CYP11B2: variants seen among roughly 807,000 people sequenced by gnomAD.
The protein encoded by CYP11B2 is cytochrome P450 family 11 subfamily B member 2.
A neutral mutation model predicts 49.3 loss-of-function variants in CYP11B2; 38 were observed. The ratio of observed to expected loss-of-function variants is 0.77; its 90% confidence interval spans 0.59 to 1.01. The LOEUF (loss-of-function observed/expected upper bound fraction) is 1.01, where lower values mean the gene tolerates loss of function less well. Among genes scored for constraint, CYP11B2 ranks in the 50% least tolerant of loss-of-function variants. The pLI is 0.00. For missense variants in CYP11B2, 669 were observed against 655.5 expected (o/e 1.02, Z -0.23); for synonymous variants, 290 against 269.3 (o/e 1.08, Z -0.75).
chr8:142,913,703 C>A (rs1817583392), intron 5 of CYP11B2, among the ~76,000 whole-genome samples: 1 of 152,170 alleles, frequency 6.6e-6, no homozygotes, highest in Middle Eastern at 3.4e-3. Context: ...GTTCTCACAG[C>A]CACCATTAGG....
At chr8:142,912,202 G>A in intron 8 of CYP11B2, 109 bp from the exon 9 acceptor site, 1 of 1,547,922 alleles carries the variant, frequency 6.5e-7, no homozygotes. Context: ...GGGAGCAGCA[G>A]CCTGGGCCCC....
rs370785966 is a variant in CYP11B2 at position 142,917,173 on chromosome 8, G to A, written c.281C>T (p.Pro94Leu). 39 of 1,614,018 alleles carry A rather than the reference G, an allele frequency of 2.4e-5. No individual in the cohort carries two copies. Among genetic ancestry groups the A allele is most frequent in the East Asian group, 4.5e-5 (2 of 44,882 alleles). The change falls in exon 2 of 9, where the codon CCG (proline) becomes CTG (leucine). Residue 94 changes from proline (P) to leucine (L), a missense_variant. Coordinates refer to ENST00000323110, the MANE Select transcript of CYP11B2 (RefSeq NM_000498.3). ...GGPRMVCVMLPEDVEKLQQVD... is the reference protein window; with the variant it reads ...GGPRMVCVMLLEDVEKLQQVD... ...CTGTTGCAGCTTCTCCACATCCTCC[G>A]GCAGCATCACACACACCATGCGTGG... is the stretch of plus-strand genomic sequence containing the variant.
Position 142,915,291 on chromosome 8 carries a change from C to T in CYP11B2, c.396-46G>A, listed in dbSNP as rs61757310. The T allele has an allele frequency of 1.8e-4, 276 of 1,507,262 alleles. 1 individual carries two copies. The Admixed American group carries it at 5.1e-3, about 28-fold the overall frequency. The allele number at this position is 1,507,262 out of a possible 1,614,324, so 93.4% of individuals were successfully genotyped here. On this transcript the variant is annotated intron_variant, in intron 2 of 8. Transcript: ENST00000323110. ...CTTGTGAGGCCGCCCCAGCAAGACA[C>T]AGGCCCTGACCCGTATCCCATCCTC...
Position 142,912,512 on chromosome 8 carries a change from G to A in CYP11B2, c.1398+18C>T. On this transcript the variant is annotated intron_variant, in intron 8 of 8. Transcript: ENST00000323110. ...CCTCTGCTGCCCAGGTCCCGCCCCC[G>A]CCCCCAGGCCTGCTTACGTGGTGCA... 4.6e-6 allele frequency: 4 copies of A among 870,584 alleles called. No individual in the cohort carries two copies. Among genetic ancestry groups the A allele is most frequent in the South Asian group, 4.4e-5 (3 of 68,940 alleles). 53.9% of individuals were successfully genotyped at this position (870,584 alleles called of 1,614,324 possible). A position where few individuals can be genotyped will look rare whatever the true frequency, so the allele number is the denominator to read the frequency against.
At chr8:142,913,060 C>G (rs1817570079) in intron 6 of CYP11B2, among the ~76,000 whole-genome samples, 175 bp from the exon 7 acceptor site, 1 of 149,960 alleles carries the variant, frequency 6.7e-6, no homozygotes, top group Non-Finnish European at 1.5e-5. Context: ...ACTTGAGAAG[C>G]CCCAAGCGCA....
chr8:142,914,578 C>A, intron 4 of CYP11B2, 127 bp downstream of exon 4: 3 of 1,228,562 alleles, frequency 2.4e-6, no homozygotes, highest in South Asian at 2.6e-5. Context: ...CCAATCTCCC[C>A]GGCAGGAAGG....
chr8:142,915,011 G>T (rs1450231226), intron 3 of CYP11B2, 35 bp downstream of exon 3: 2 of 1,612,948 alleles, frequency 1.2e-6, no homozygotes, highest in Middle Eastern at 1.7e-4. Flanking sequence ...CCACTCCAGG[G>T]TCTCTGGGGC....
chr8:142,915,508 G>A (rs1306042785), intron 2 of CYP11B2, among the ~76,000 whole-genome samples: 1 of 145,356 alleles, frequency 6.9e-6, no homozygotes, highest in Non-Finnish European at 1.6e-5. Context: ...GGTCATTCCC[G>A]GGACCTGGCG....
intron 4 of CYP11B2, 143 bp from the exon 5 acceptor site, chr8:142,914,561 C>T: frequency 4.5e-6 from 6 of 1,345,040 alleles, no homozygotes; most frequent in Admixed American, 4.0e-5. Context: ...CCAGCCCCAG[C>T]CTCGCACCAA....
Position 142,912,706 on chromosome 8 carries a change from A to G in CYP11B2, c.1222T>C (p.Tyr408His). ...AAGGCGGCATTGCGACCCAGCGAGT[A>G]GAGGAAAACCTGTACCAATGTCTGC... ...PAGTLVQVFL[Y>H]SLGRNAALFP... is the part of the protein sequence containing the mutation. The change falls in exon 8 of 9, where the codon TAC becomes CAC. Residue 408 changes from tyrosine (Y) to histidine (H), a missense_variant. Transcript: ENST00000323110. 1 of 1,614,078 alleles carries G rather than the reference A, an allele frequency of 6.2e-7. No individual in the cohort carries two copies. The highest frequency in any genetic ancestry group is 1.1e-5 in the South Asian group (1 of 91,086).
At chr8:142,913,219 C>T in intron 6 of CYP11B2, 66 bp downstream of exon 6, 4 of 1,565,452 alleles carry the variant, frequency 2.6e-6, no homozygotes, top group Middle Eastern at 2.1e-4. Context: ...CTGTCTGCCA[C>T]CACCCAGTGG....
chr8:142,913,141 T>G (rs1817571688), intron 6 of CYP11B2, 144 bp downstream of exon 6: 15 of 988,178 alleles, frequency 1.5e-5, no homozygotes, highest in Non-Finnish European at 2.1e-5. Flanking sequence ...CTCCCTGTCC[T>G]TGAGGGGGAG....
intron 3 of CYP11B2, 42 bp downstream of exon 3, chr8:142,915,004 C>T (rs1817615667): frequency 1.2e-6 from 2 of 1,612,720 alleles, no homozygotes; most frequent in African/African-American, 1.3e-5. Flanking sequence ...TCCCTGGCCA[C>T]TCCAGGGTCT....
At position 142,917,733 on chromosome 8, in the gene CYP11B2, CAGCA is replaced by C. The variant is rs1817674451; in HGVS notation, c.104_107del (p.Val35GlyfsTer15). On this transcript the variant is annotated frameshift_variant, in exon 1 of 9. Transcript: ENST00000323110. LOFTEE classifies it high-confidence loss of function. ...GATGCTGGGGCATGGCTTCAAACGG[CAGCA>C]CCGTCCTAGGGGCCCGAGCGGCTCT... The C allele has an allele frequency of 1.4e-5, 23 of 1,614,112 alleles. 1 individual carries two copies.
Position 142,915,673 on chromosome 8 carries a change from C to CCTGGG in CYP11B2, c.396-429_396-428insCCCAG, listed in dbSNP as rs1817632032. On this transcript the variant is annotated intron_variant, in intron 2 of 8. Transcript: ENST00000323110. ...AGAGCCCCTGGCTGCCCTCTCCTCC[C>CCTGGG]CACCCTTCCCCGCCCTGGGCACAGT... Among the ~76,000 whole-genome samples, 2 of 130,832 alleles carry CCTGGG rather than the reference C, an allele frequency of 1.5e-5. 1 individual carries two copies. The highest frequency in any genetic ancestry group is 1.5e-4 in the Admixed American group (2 of 13,064). The allele number at this position is 130,832 out of a possible 152,430, so 85.8% of individuals were successfully genotyped here.
At chr8:142,915,359 G>T in intron 2 of CYP11B2, 114 bp from the exon 3 acceptor site, 1 of 991,570 alleles carries the variant, frequency 1.0e-6, no homozygotes, top group South Asian at 1.4e-5. Context: ...CTGACTGGGG[G>T]CCCTGGTAGA....
In CYP11B2 at chr8:142,911,046, T is replaced by C. The variant is rs1342089647; in HGVS notation, c.*934A>G. The C allele has an allele frequency of 6.6e-6, 1 of 152,198 alleles. No individual in the cohort carries two copies. Among genetic ancestry groups the C allele is most frequent in the Non-Finnish European group, 1.5e-5 (1 of 68,076 alleles). 9.4% of individuals were successfully genotyped at this position (152,198 alleles called of 1,614,324 possible). A position where few individuals can be genotyped will look rare whatever the true frequency, so the allele number is the denominator to read the frequency against. On this transcript the variant is annotated 3_prime_UTR_variant, in exon 9 of 9. Coordinates refer to ENST00000323110, the MANE Select transcript of CYP11B2 (RefSeq NM_000498.3). ...CCCAAGGCAGGTTCACGTAGGGAAC[T>C]GCAGCCTCCCTGTGCCCACCCCAGG...
In CYP11B2 at chr8:142,913,599, G is replaced by C. The variant is rs1314258192; in HGVS notation, c.955-148C>G. On this transcript the variant is annotated intron_variant, in intron 5 of 8. Coordinates refer to ENST00000323110, the MANE Select transcript of CYP11B2 (RefSeq NM_000498.3). ...CCTGGGACCCCGGATCTGAAACCTT[G>C]ATGACCACTTGGGCCAGATTCCCTG... 3.1e-6 allele frequency: 3 copies of C among 960,318 alleles called. No homozygotes were observed. The African/African-American group carries it at 4.9e-5, about 16-fold the overall frequency. 59.5% of individuals were successfully genotyped at this position (960,318 alleles called of 1,614,324 possible).
rs780121034 is a variant in CYP11B2, at chr8:142,914,342, C to G, written c.876G>C (p.Glu292Asp). 3.7e-6 allele frequency: 6 copies of G among 1,613,664 alleles called. No individual in the cohort carries two copies. The highest frequency in any genetic ancestry group is 1.6e-4 in the Middle Eastern group (1 of 6,062). The change falls in exon 5 of 9, where the codon GAG (glutamate) becomes GAC (aspartate). Residue 292 changes from glutamate to aspartate, a missense_variant. By Grantham distance (45) the Glu-to-Asp change is conservative. Transcript: ENST00000323110. Reference sequence around the variant, plus strand: ...GTGACAGTTCCGCCTTCAACAGGAGCTCCGCCACGATGCCTGTGTAGTGTT... The same window carrying G: ...GTGACAGTTCCGCCTTCAACAGGAGGTCCGCCACGATGCCTGTGTAGTGTT... ...RPQHYTGIVA[E>D]LLLKAELSLE... is the part of the protein sequence containing the mutation.
Sources: allele counts gnomAD v4.1 joint callset (sites outside exome capture counted in the v4.1 genomes callset), GRCh38; gene constraint gnomAD v4.1.1; transcripts MANE v1.5; gene names NCBI Gene and HGNC (gene_info 2026-07-23, HGNC 2026-07-21).